The following CERS3 variants were observed in gnomAD, a reference collection of about 807,000 sequenced individuals.
CERS3 encodes ceramide synthase 3, also known as LAG1 homolog, ceramide synthase 3.
In CERS3, 33 loss-of-function variants were observed where a neutral mutation model predicts 50.3. The observed-to-expected ratio is 0.66, with a 90% confidence interval of 0.50 to 0.88. The LOEUF is 0.88. Among genes scored for constraint, CERS3 ranks in the 40% least tolerant of loss-of-function variants. The pLI, the probability that CERS3 is intolerant of heterozygous loss-of-function variation, is 0.00. For synonymous variants in CERS3, 176 were observed against 155.2 expected (o/e 1.13, Z -0.99); for missense variants, 470 against 460.3 (o/e 1.02, Z -0.19).
intron 2 of CERS3, among the ~76,000 whole-genome samples, chr15:100,516,055 G>T (rs1419192828): frequency 6.6e-6 from 1 of 152,136 alleles, no homozygotes; most frequent in African/African-American, 2.4e-5. Flanking sequence ...CCTAAGGTTA[G>T]TCACCTGGTT....
intron 11 of CERS3, among the ~76,000 whole-genome samples, 188 bp from the exon 12 acceptor site, chr15:100,403,053 A>G (rs964884112): frequency 6.6e-6 from 1 of 152,254 alleles, no homozygotes; most frequent in African/African-American, 2.4e-5. Flanking sequence ...AATAATTGAC[A>G]TTACACGAAG....
At chr15:100,534,869 A>G (rs2037032477) in intron 1 of CERS3, among the ~76,000 whole-genome samples, 1 of 152,026 alleles carries the variant, frequency 6.6e-6, no homozygotes, top group Non-Finnish European at 1.5e-5. Flanking sequence ...TTTTCAATAT[A>G]CTAACTCATT....
intron 2 of CERS3, among the ~76,000 whole-genome samples, chr15:100,512,964 T>C (rs1423827788): frequency 6.6e-6 from 1 of 152,232 alleles, no homozygotes; most frequent in Admixed American, 6.5e-5. Flanking sequence ...GAGCCAGCTG[T>C]CACTTTCCAC....
intron 11 of CERS3, among the ~76,000 whole-genome samples, chr15:100,410,409 T>G (rs2011450): frequency 0.37 from 55,587 of 152,016 alleles, 10,802 homozygotes; most frequent in East Asian, 0.55. Flanking sequence ...AAGGGAGACC[T>G]CGTTTAGTTT....
At chr15:100,476,283 C>T (rs756790714) in intron 7 of CERS3, 105 bp from the exon 8 acceptor site, 4 of 548,632 alleles carry the variant, frequency 7.3e-6, no homozygotes, top group Non-Finnish European at 1.3e-5. Context: ...CACCAGATTC[C>T]ATAAAATAAC....
intron 10 of CERS3, among the ~76,000 whole-genome samples, chr15:100,466,857 T>TTCCC (rs2034759106): frequency 1.5e-5 from 1 of 68,308 alleles, no homozygotes; most frequent in Admixed American, 1.5e-4. Context: ...CTTTCTCTCT[T>TTCCC]TCTTTCTTTC....
At chr15:100,538,127 G>A (rs2037116180) in intron 1 of CERS3, among the ~76,000 whole-genome samples, 1 of 152,240 alleles carries the variant, frequency 6.6e-6, no homozygotes, top group Admixed American at 6.5e-5. Flanking sequence ...GCAAGAGGTG[G>A]TTTCCTGTCA....
intron 10 of CERS3, 110 bp downstream of exon 10, chr15:100,469,268 C>A: frequency 1.4e-6 from 1 of 720,376 alleles, no homozygotes. Context: ...GCACTTGACA[C>A]AAATAACTGG....
intron 7 of CERS3, 37 bp from the exon 8 acceptor site, chr15:100,476,215 A>G (rs2035122353): frequency 7.2e-7 from 1 of 1,389,326 alleles, no homozygotes; most frequent in Non-Finnish European, 9.8e-7. Flanking sequence ...TTTAAATGCC[A>G]TCATAGAAGC....
At chr15:100,502,818 A>C (rs1483685609) in intron 2 of CERS3, among the ~76,000 whole-genome samples, 1 of 152,140 alleles carries the variant, frequency 6.6e-6, no homozygotes. Context: ...TATGCTAAAA[A>C]ACGTATACAG....
chr15:100,439,617 G>A (rs1245725614), intron 11 of CERS3, among the ~76,000 whole-genome samples: 1 of 152,176 alleles, frequency 6.6e-6, no homozygotes, highest in Non-Finnish European at 1.5e-5. Context: ...GTTGAAAATG[G>A]ATTTGTTAGT....
intron 10 of CERS3, among the ~76,000 whole-genome samples, chr15:100,460,876 A>G (rs888952138): frequency 6.6e-6 from 1 of 152,228 alleles, no homozygotes; most frequent in Non-Finnish European, 1.5e-5. Context: ...TGATCCATGT[A>G]AAGAAAGAAA....
intron 2 of CERS3, among the ~76,000 whole-genome samples, chr15:100,518,902 G>A (rs1004479111): frequency 6.6e-6 from 1 of 152,176 alleles, no homozygotes; most frequent in Admixed American, 6.5e-5. Flanking sequence ...GGTGGCTCAT[G>A]CCTGTAATCC....
intron 11 of CERS3, among the ~76,000 whole-genome samples, chr15:100,445,431 C>T (rs141156508): frequency 6.6e-6 from 1 of 152,224 alleles, no homozygotes; most frequent in Non-Finnish European, 1.5e-5. Context: ...GGCTATGCTG[C>T]ACCTCCTTTG....
chr15:100,522,949 A>C (rs1439288025), intron 1 of CERS3, among the ~76,000 whole-genome samples: 1 of 152,212 alleles, frequency 6.6e-6, no homozygotes. Flanking sequence ...CCTCCCAGTG[A>C]CGTATGAGAG....
intron 11 of CERS3, among the ~76,000 whole-genome samples, chr15:100,445,322 T>C (rs937537944): frequency 1.4e-5 from 2 of 145,804 alleles, no homozygotes; most frequent in Non-Finnish European, 3.0e-5. Flanking sequence ...ACTGCCAGTT[T>C]ACACTGTTTC....
chr15:100,411,408 C>A (rs1019139639), intron 11 of CERS3, among the ~76,000 whole-genome samples: 1 of 152,068 alleles, frequency 6.6e-6, no homozygotes, highest in African/African-American at 2.4e-5. Flanking sequence ...GTGATCCACC[C>A]GCCTCGGGCT....
rs550285759 is a variant in CERS3, at chr15:100,528,338, G to A, written c.-92+475C>T. Among the ~76,000 whole-genome samples, 57 of 152,160 alleles carry A rather than the reference G, an allele frequency of 3.7e-4. 1 individual carries two copies. The highest frequency in any genetic ancestry group is 7.9e-4 in the Non-Finnish European group (54 of 68,028). ...CCTTGTTCTCAGCTTAAGGCACTCT[G>A]GGATGGTCTGAAATGGCCTTTGCCA... is the stretch of plus-strand genomic sequence containing the variant. On this transcript the variant is annotated intron_variant, in intron 1 of 11. Transcript: ENST00000679737.
intron 11 of CERS3, among the ~76,000 whole-genome samples, chr15:100,406,554 G>A (rs1222002916): frequency 1.3e-5 from 2 of 152,162 alleles, no homozygotes; most frequent in Non-Finnish European, 2.9e-5. Flanking sequence ...CACAGAAAGG[G>A]TGTCAAAATG....
Sources: gnomAD v4.1 joint callset for allele counts (sites outside exome capture counted in the v4.1 genomes callset) on GRCh38, gnomAD v4.1.1 for gene constraint, MANE v1.5 for transcripts, NCBI Gene and HGNC (gene_info 2026-07-23, HGNC 2026-07-21) for gene names.